The following CLEC16A variants were observed in gnomAD, a reference collection of about 807,000 sequenced individuals.
CLEC16A encodes the protein protein CLEC16A.
CLEC16A carries 51 observed loss-of-function variants against 109.5 expected under a neutral mutation model. The ratio of observed to expected loss-of-function variants is 0.47; its 90% CI spans 0.37 to 0.59. The LOEUF is 0.59. Among genes scored for constraint, CLEC16A ranks in the 20% least tolerant of loss-of-function variants. CLEC16A has a pLI of 0.00. For missense variants in CLEC16A, 1,339 were observed against 1,394.0 expected (o/e 0.96, Z 0.63); for synonymous variants, 673 against 564.2 (o/e 1.19, Z -2.73).
chr16:10,973,940 C>A (rs1387923864), intron 7 of CLEC16A, among the ~76,000 whole-genome samples: 1 of 116,054 alleles, frequency 8.6e-6, no homozygotes, highest in Non-Finnish European at 1.6e-5. Flanking sequence ...TGCTCTGTCT[C>A]CCAGGCTGGA....
At chr16:11,164,408 C>T (rs1021898783) in intron 22 of CLEC16A, among the ~76,000 whole-genome samples, 8 of 152,226 alleles carry the variant, frequency 5.3e-5, no homozygotes, top group African/African-American at 1.9e-4. Context: ...AATAGCCCCT[C>T]CTTGATGGCC....
intron 10 of CLEC16A, among the ~76,000 whole-genome samples, chr16:10,983,707 C>G (rs2043459112): frequency 6.6e-6 from 1 of 152,120 alleles, no homozygotes; most frequent in Admixed American, 6.5e-5. Flanking sequence ...TCTCTCAGAT[C>G]CTGCTCACAT....
chr16:11,005,938 A>G lies in CLEC16A; in HGVS notation c.1303+2633A>G, dbSNP rs142171286. On this transcript the variant is annotated intron_variant, in intron 11 of 23. Coordinates refer to ENST00000409790, the MANE Select transcript of CLEC16A (RefSeq NM_015226.3). ...ATTGTTCCTGTCTGGAAATTTCTGAATATAGAAAATATAATTCACATGATG... is the reference window on the plus strand; with the variant it reads ...ATTGTTCCTGTCTGGAAATTTCTGAGTATAGAAAATATAATTCACATGATG... Among the ~76,000 whole-genome samples the G allele has an allele frequency of 5.3e-5, 8 of 151,946 alleles. No individual in the cohort carries two copies. The East Asian group carries it at 1.4e-3, about 26-fold the overall frequency.
intron 12 of CLEC16A, among the ~76,000 whole-genome samples, chr16:11,020,883 C>G (rs1166025571): frequency 6.6e-6 from 1 of 152,232 alleles, no homozygotes; most frequent in Non-Finnish European, 1.5e-5. Context: ...TGGAACCTTG[C>G]CATAGCACCA....
intron 13 of CLEC16A, among the ~76,000 whole-genome samples, chr16:11,030,966 CAA>C (rs1329436919): frequency 6.6e-6 from 1 of 152,210 alleles, no homozygotes; most frequent in Non-Finnish European, 1.5e-5. Context: ...TGATTTCCCC[CAA>C]GTCTGTGGCA....
At chr16:11,145,227 G>A (rs1164369554) in intron 22 of CLEC16A, among the ~76,000 whole-genome samples, 2 of 152,252 alleles carry the variant, frequency 1.3e-5, no homozygotes, top group East Asian at 1.9e-4. Flanking sequence ...ACTCTACTCC[G>A]ACCACACACA....
At chr16:11,127,449 C>G (rs1043573313) in intron 22 of CLEC16A, among the ~76,000 whole-genome samples, 2 of 152,280 alleles carry the variant, frequency 1.3e-5, no homozygotes, top group Non-Finnish European at 1.5e-5. Flanking sequence ...TGATAAATTC[C>G]TAGCAGTGAA....
intron 19 of CLEC16A, among the ~76,000 whole-genome samples, chr16:11,097,383 T>C (rs2050666249): frequency 1.3e-5 from 2 of 152,264 alleles, no homozygotes; most frequent in South Asian, 2.1e-4. Flanking sequence ...TCTCTGTGTT[T>C]TGGGGGCCTC....
chr16:11,112,289 G>C (rs1308847440), intron 19 of CLEC16A, among the ~76,000 whole-genome samples: 1 of 152,066 alleles, frequency 6.6e-6, no homozygotes, highest in Non-Finnish European at 1.5e-5. Flanking sequence ...ACTGTAAAAA[G>C]GTTTTATACC....
intron 22 of CLEC16A, among the ~76,000 whole-genome samples, chr16:11,129,960 C>T (rs2053090996): frequency 6.6e-6 from 1 of 152,080 alleles, no homozygotes; most frequent in South Asian, 2.1e-4. Context: ...GATGGGGTTT[C>T]ACCGTGTTAG....
chr16:11,098,149 C>T (rs552489387), intron 19 of CLEC16A, among the ~76,000 whole-genome samples: 14 of 152,326 alleles, frequency 9.2e-5, no homozygotes, highest in African/African-American at 3.1e-4. Context: ...TGGGAGCCAC[C>T]GCTCTAGGGA....
chr16:11,033,694 C>G (rs1342901451), intron 13 of CLEC16A, among the ~76,000 whole-genome samples: 1 of 152,156 alleles, frequency 6.6e-6, no homozygotes, highest in Non-Finnish European at 1.5e-5. Context: ...TCCTCATAGT[C>G]AATTTTAACA....
chr16:11,156,259 A>G (rs937548215), intron 22 of CLEC16A, among the ~76,000 whole-genome samples: 1 of 151,908 alleles, frequency 6.6e-6, no homozygotes, highest in Non-Finnish European at 1.5e-5. Flanking sequence ...AGTCCCAGCT[A>G]CTTGGGAGGC....
At chr16:11,017,176 A>G (rs2045810021) in intron 11 of CLEC16A, among the ~76,000 whole-genome samples, 1 of 152,144 alleles carries the variant, frequency 6.6e-6, no homozygotes, top group Non-Finnish European at 1.5e-5. Flanking sequence ...AGCTACCATG[A>G]ATCATTGCCA....
chr16:11,149,118 G>A (rs556158295), intron 22 of CLEC16A, among the ~76,000 whole-genome samples: 2 of 152,360 alleles, frequency 1.3e-5, no homozygotes, highest in East Asian at 3.9e-4. Flanking sequence ...GCAGAGGCCA[G>A]GGGAGGGGCC....
intron 13 of CLEC16A, chr16:11,027,208 A>T (rs2046457594): frequency 4.9e-6 from 7 of 1,416,322 alleles, no homozygotes; most frequent in Admixed American, 1.7e-5. Context: ...TACTGGCAGC[A>T]GAAACCTGAC....
At chr16:11,121,155 C>G (rs996214851) in intron 20 of CLEC16A, among the ~76,000 whole-genome samples, 1 of 152,134 alleles carries the variant, frequency 6.6e-6, no homozygotes, top group African/African-American at 2.4e-5. Flanking sequence ...TGAATATGTT[C>G]TAAACTTTGC....
chr16:11,030,147 T>A (rs560218834), intron 13 of CLEC16A, among the ~76,000 whole-genome samples: 18 of 152,350 alleles, frequency 1.2e-4, no homozygotes, highest in African/African-American at 4.1e-4. Context: ...TTGGGTTGTT[T>A]CCAGTTTTGG....
In CLEC16A at chr16:11,178,333, A is replaced by C. The variant is rs756416264; in HGVS notation, c.2807-2A>C. The C allele has an allele frequency of 1.2e-6, 2 of 1,601,246 alleles. No homozygotes were observed. The highest frequency in any genetic ancestry group is 8.5e-7 in the Non-Finnish European group (1 of 1,170,262). On this transcript the variant is annotated splice_acceptor_variant, in intron 23 of 23. Transcript: ENST00000409790. LOFTEE classifies it high-confidence loss of function. The surrounding 1 kb of genome is among the most constrained non-coding windows in gnomAD (Gnocchi z 6.5). ...GTTTCCGGTTTTTCTCCCCCAATCCAGATGCCCCCATGAGTCCAGAACTGC... is the reference window on the plus strand; with the variant it reads ...GTTTCCGGTTTTTCTCCCCCAATCCCGATGCCCCCATGAGTCCAGAACTGC...
Sources: allele counts gnomAD v4.1 joint callset (sites outside exome capture counted in the v4.1 genomes callset), GRCh38; gene constraint gnomAD v4.1.1; non-coding constraint Gnocchi (gnomAD v3.1); transcripts MANE v1.5; gene names NCBI Gene and HGNC (gene_info 2026-07-23, HGNC 2026-07-21).